The following PLBD1 variants were observed in gnomAD, a reference collection of about 807,000 sequenced individuals.
PLBD1 encodes lysosomal leucine aminopeptidase.
In PLBD1, 60 loss-of-function variants were observed where a neutral mutation model predicts 63.0. The ratio of observed to expected loss-of-function variants is 0.95; its 90% CI spans 0.77 to 1.18. PLBD1 has a LOEUF of 1.18. Among genes scored for constraint, PLBD1 ranks in the 50% most tolerant of loss-of-function variants. PLBD1 has a pLI of 0.00. For synonymous variants in PLBD1, 262 were observed against 248.0 expected (o/e 1.06, Z -0.53); for missense variants, 598 against 677.9 (o/e 0.88, Z 1.31).
At chr12:14,566,161 C>T (rs1291382452) in intron 1 of PLBD1, among the ~76,000 whole-genome samples, 1 of 152,190 alleles carries the variant, frequency 6.6e-6, no homozygotes, top group African/African-American at 2.4e-5. Context: ...CCCTCCCCAG[C>T]CTCCCCCAGG....
At chr12:14,534,764 A>G (rs371802245) in intron 6 of PLBD1, among the ~76,000 whole-genome samples, 98 of 152,120 alleles carry the variant, frequency 6.4e-4, no homozygotes, top group East Asian at 2.9e-3. Flanking sequence ...GGATGGTCTC[A>G]ATCTCCTGAC....
chr12:14,562,425 G>A (rs1457344711), intron 1 of PLBD1, among the ~76,000 whole-genome samples: 5 of 147,310 alleles, frequency 3.4e-5, no homozygotes, highest in Non-Finnish European at 5.9e-5. Context: ...GCAGCACTGC[G>A]GTCCAGCCTG....
At position 14,549,676 on chromosome 12, in the gene PLBD1, G is replaced by GT. The variant is rs748016618; in HGVS notation, c.335+3516dup. On this transcript the variant is annotated intron_variant, in intron 2 of 10. Coordinates refer to ENST00000240617, the MANE Select transcript of PLBD1 (RefSeq NM_024829.6). ...TTCCACTCCTCGGTCCTTGTTTTTG[G>GT]TTTTTTTTTGAGATGGAGTTTCACT... is the stretch of plus-strand genomic sequence containing the variant. Among the ~76,000 whole-genome samples, 376 of 150,830 alleles carry GT rather than the reference G, an allele frequency of 2.5e-3. 4 individuals are homozygous for GT. In the East Asian group the frequency reaches 0.032, roughly 13 times the overall value.
chr12:14,538,190 T>C (rs149587936), intron 4 of PLBD1, among the ~76,000 whole-genome samples: 280 of 151,886 alleles, frequency 1.8e-3, no homozygotes, highest in African/African-American at 5.2e-3. Flanking sequence ...TTAATTATTA[T>C]TTATTTATTT....
chr12:14,528,870 A>C (rs913660462), intron 6 of PLBD1, among the ~76,000 whole-genome samples: 29 of 152,186 alleles, frequency 1.9e-4, no homozygotes, highest in African/African-American at 6.3e-4. Flanking sequence ...ACTTAGAAAG[A>C]AGGGATAAAT....
intron 1 of PLBD1, among the ~76,000 whole-genome samples, chr12:14,565,544 T>C (rs1945774453): frequency 6.6e-6 from 1 of 151,904 alleles, no homozygotes; most frequent in South Asian, 2.1e-4. Flanking sequence ...TGAGTGGATA[T>C]AAAATCCATT....
At chr12:14,531,666 T>G (rs1170101943) in intron 6 of PLBD1, among the ~76,000 whole-genome samples, 2 of 152,180 alleles carry the variant, frequency 1.3e-5, no homozygotes, top group South Asian at 2.1e-4. Context: ...GGCCTCACTC[T>G]GTCCCCCAAG....
intron 6 of PLBD1, among the ~76,000 whole-genome samples, chr12:14,518,254 G>A (rs1471942069): frequency 6.6e-6 from 1 of 152,046 alleles, no homozygotes; most frequent in Non-Finnish European, 1.5e-5. Flanking sequence ...TACATGGTAG[G>A]GGCTAAACAC....
rs773307338 is a variant in PLBD1 at position 14,535,764 on chromosome 12, T to C, written c.739A>G (p.Ser247Gly). ...GFENILFAHSSWYTYAAMLRI... is the reference protein window; with the variant it reads ...GFENILFAHSGWYTYAAMLRI... ...AGCATGGCTGCATACGTGTACCAGC[T>C]TGAGTGAGCAAAAAGGATGTTCTCA... Residue 247 changes from serine to glycine, a missense_variant, in exon 6 of 11, where the codon AGC becomes GGC. By Grantham distance (56) the Ser-to-Gly change is moderately conservative. Transcript: ENST00000240617. 2.5e-6 allele frequency: 4 copies of C among 1,613,884 alleles called. No homozygotes were observed. The Admixed American group carries it at 6.7e-5, about 27-fold the overall frequency.
At chr12:14,565,187 C>T (rs1043407394) in intron 1 of PLBD1, among the ~76,000 whole-genome samples, 7 of 152,028 alleles carry the variant, frequency 4.6e-5, no homozygotes, top group South Asian at 2.1e-4. Flanking sequence ...TAAAAGTGTC[C>T]GGGCATGGTA....
intron 4 of PLBD1, 121 bp from the exon 5 acceptor site, chr12:14,536,831 G>A: frequency 2.3e-6 from 3 of 1,331,298 alleles, no homozygotes; most frequent in East Asian, 2.4e-5. Flanking sequence ...GCTCACGCCT[G>A]TAATCCCAGC....
rs542287342 is a variant in PLBD1, at chr12:14,536,284, G to A, written c.699+286C>T. 3.3e-5 allele frequency among the ~76,000 whole-genome samples: 5 copies of A among 152,320 alleles called. No homozygotes were observed. In the East Asian group the frequency reaches 9.6e-4, roughly 29 times the overall value. On this transcript the variant is annotated intron_variant, in intron 5 of 10. Coordinates refer to ENST00000240617, the MANE Select transcript of PLBD1 (RefSeq NM_024829.6). ...ACTGCACTCCAGCCTGGGCAACAAA[G>A]TGAGACTCCGGCTCAAAAACAAAAC... is the stretch of plus-strand genomic sequence containing the variant.
rs148282283 is a variant in PLBD1, at chr12:14,514,607, T to C, written c.845-2896A>G. 3.3e-5 allele frequency among the ~76,000 whole-genome samples: 5 copies of C among 152,260 alleles called. No homozygotes were observed. The East Asian group carries it at 5.8e-4, about 18-fold the overall frequency. ...AGAGTGAACTGGCCTGCAAAAACTA[T>C]AGTTGAGGAGGCTAATTCTATAGTT... On this transcript the variant is annotated intron_variant, in intron 6 of 10. Transcript: ENST00000240617.
At chr12:14,543,102 G>A (rs562977660) in intron 2 of PLBD1, among the ~76,000 whole-genome samples, 27 of 151,986 alleles carry the variant, frequency 1.8e-4, no homozygotes, top group African/African-American at 6.0e-4. Flanking sequence ...TAACATTCTT[G>A]GATTTATCTC....
chr12:14,512,243 G>C (rs1945304051), intron 6 of PLBD1, among the ~76,000 whole-genome samples: 1 of 151,838 alleles, frequency 6.6e-6, no homozygotes, highest in Non-Finnish European at 1.5e-5. Context: ...TTGCCTCCTG[G>C]GTTCAAGCAA....
intron 6 of PLBD1, among the ~76,000 whole-genome samples, chr12:14,513,535 A>T (rs1441885627): frequency 1.3e-5 from 2 of 152,166 alleles, no homozygotes; most frequent in African/African-American, 4.8e-5. Flanking sequence ...GGGTCAAAGA[A>T]ACGGGTCACC....
intron 6 of PLBD1, among the ~76,000 whole-genome samples, chr12:14,513,911 C>T (rs972225583): frequency 6.6e-5 from 10 of 151,994 alleles, no homozygotes; most frequent in African/African-American, 2.2e-4. Flanking sequence ...TCCCAAGTAG[C>T]TGGGACTACA....
chr12:14,558,610 C>T (rs1438207740), intron 1 of PLBD1, among the ~76,000 whole-genome samples: 1 of 152,148 alleles, frequency 6.6e-6, no homozygotes, highest in Non-Finnish European at 1.5e-5. Flanking sequence ...CTTCTCTTTT[C>T]TTTCTACCCA....
In PLBD1 at chr12:14,511,501, G is replaced by A. The variant is rs375028724; in HGVS notation, c.1045+10C>T. On this transcript the variant is annotated intron_variant, in intron 7 of 10. Coordinates refer to ENST00000240617, the MANE Select transcript of PLBD1 (RefSeq NM_024829.6). The stretch of plus-strand genomic sequence containing the variant: ...TCTGTGCCTAACAGTTATTCTGCAG[G>A]GTCACTTACCAGAGTTGTATTTTGA... 43 of 1,613,948 alleles carry A rather than the reference G, an allele frequency of 2.7e-5. No homozygotes were observed. Among genetic ancestry groups the A allele is most frequent in the Non-Finnish European group, 3.6e-5 (43 of 1,180,004 alleles).
Sources: allele counts gnomAD v4.1 joint callset (sites outside exome capture counted in the v4.1 genomes callset), GRCh38; gene constraint gnomAD v4.1.1; transcripts MANE v1.5; gene names NCBI Gene and HGNC (gene_info 2026-07-23, HGNC 2026-07-21).